Variants in SF3B1 observed in about 807,000 individuals in gnomAD.
SF3B1 encodes the protein pre-mRNA processing 10.
Under a neutral mutation model 153.8 loss-of-function variants are expected in SF3B1, and 12 were observed. The observed-to-expected ratio is 0.08, with a 90% confidence interval of 0.05 to 0.13. The LOEUF (loss-of-function observed/expected upper bound fraction) is 0.13. Among genes scored for constraint, SF3B1 ranks in the 10% least tolerant of loss-of-function variants. The pLI is 1.00. For missense variants in SF3B1, 513 were observed against 1,606.1 expected (o/e 0.32, Z 11.63); for synonymous variants, 498 against 525.2 (o/e 0.95, Z 0.71).
rs1328171261 is a variant in SF3B1, at chr2:197,422,882, G to GA, written c.195+925dup. Among the ~76,000 whole-genome samples, 726 of 139,628 alleles carry GA rather than the reference G, an allele frequency of 5.2e-3. 16 individuals carry two copies. Among genetic ancestry groups the GA allele is most frequent in the Admixed American group, 0.047 (655 of 13,970 alleles). 91.6% of individuals were successfully genotyped at this position (139,628 alleles called of 152,430 possible). A position where few individuals can be genotyped will look rare whatever the true frequency, so the allele number is the denominator to read the frequency against. On this transcript the variant is annotated intron_variant, in intron 2 of 24. Coordinates refer to ENST00000335508, the MANE Select transcript of SF3B1 (RefSeq NM_012433.4). The stretch of plus-strand genomic sequence containing the variant: ...TCCAGCCTGGGCAACAGAGTGAGAC[G>GA]AAAAAAAAAAACCAGTTTGATAATC...
In SF3B1 at chr2:197,408,594, A is replaced by G; in HGVS notation, c.905-13T>C. On this transcript the variant is annotated splice_polypyrimidine_tract_variant and intron_variant, in intron 7 of 24. Transcript: ENST00000335508. ...TGCCCAGGAGTATCTTTAAAAAGAA[A>G]GAGTGAGTAAAACCACAATTTTAAT... 1 of 1,580,920 alleles carries G rather than the reference A, an allele frequency of 6.3e-7. No homozygotes were observed. The highest frequency in any genetic ancestry group is 1.1e-5 in the South Asian group (1 of 90,408).
chr2:197,415,962 G>A (rs2085142048), intron 6 of SF3B1, among the ~76,000 whole-genome samples: 1 of 145,970 alleles, frequency 6.9e-6, no homozygotes, highest in Non-Finnish European at 1.5e-5. Flanking sequence ...CTACAGGCAT[G>A]CACCACTATG....
At chr2:197,397,143 A>C (rs925797122) in intron 22 of SF3B1, among the ~76,000 whole-genome samples, 2 of 152,154 alleles carry the variant, frequency 1.3e-5, no homozygotes, top group Non-Finnish European at 2.9e-5. Flanking sequence ...ATTCAGTTAA[A>C]TCCGTGGAGT....
chr2:197,413,730 T>C (rs760880986), intron 6 of SF3B1, among the ~76,000 whole-genome samples: 16 of 152,046 alleles, frequency 1.1e-4, no homozygotes, highest in Non-Finnish European at 1.9e-4. Context: ...AAAATGTATA[T>C]GGGTAGGATA....
intron 5 of SF3B1, among the ~76,000 whole-genome samples, chr2:197,417,222 G>C (rs538938541): frequency 1.1e-3 from 174 of 151,934 alleles, no homozygotes; most frequent in African/African-American, 4.1e-3. Flanking sequence ...TGAAAAATAG[G>C]GTTTTCTTCA....
intron 7 of SF3B1, among the ~76,000 whole-genome samples, chr2:197,409,402 A>G (rs1006873770): frequency 8.0e-5 from 12 of 149,904 alleles, no homozygotes; most frequent in Non-Finnish European, 1.3e-4. Flanking sequence ...CTCCATCTCA[A>G]AAAAAAAAAA....
In SF3B1 at chr2:197,391,496, T is replaced by C. The variant is rs1326901075; in HGVS notation, c.*807A>G. The C allele has an allele frequency of 6.6e-6, 1 of 152,214 alleles. No homozygotes were observed. Among genetic ancestry groups the C allele is most frequent in the Non-Finnish European group, 1.5e-5 (1 of 68,032 alleles). The allele number at this position is 152,214 out of a possible 1,614,324, so 9.4% of individuals were successfully genotyped here. ...TTATAACATGGAGAAAAGCCCAACA[T>C]TGTCCTGTTCTATCAGCATTACTTA... On this transcript the variant is annotated 3_prime_UTR_variant, in exon 25 of 25. Transcript: ENST00000335508.
rs763765365 is a variant in SF3B1, at chr2:197,400,143, A to C, written c.2925T>G (p.Gly975=). The C allele has an allele frequency of 1.9e-6, 3 of 1,613,364 alleles. No individual in the cohort carries two copies. Among genetic ancestry groups the C allele is most frequent in the African/African-American group, 1.3e-5 (1 of 74,890 alleles). Residue 975 remains glycine (G), a synonymous_variant, in exon 20 of 25, where the codon GGT becomes GGG. Transcript: ENST00000335508. The surrounding 1 kb of genome is among the most constrained non-coding windows in gnomAD (Gnocchi z 5.0). ...CACCCAAATACTCATACAATACAAC[A>C]CCCAAGTGTCCCATCAATTTTTCCT... ...CQEEKLMGHL[G]VVLYEYLGEE...
At chr2:197,423,678 A>AAG in intron 2 of SF3B1, 130 bp downstream of exon 2, 1 of 763,400 alleles carries the variant, frequency 1.3e-6, no homozygotes, top group Non-Finnish European at 2.1e-6. Flanking sequence ...GGATACCTCC[A>AAG]GTAGTTTTAT....
chr2:197,426,280 C>A (rs1257885406), intron 1 of SF3B1, among the ~76,000 whole-genome samples: 1 of 151,904 alleles, frequency 6.6e-6, no homozygotes, highest in Non-Finnish European at 1.5e-5. Context: ...CACTCCCACC[C>A]CCTTCGGGCA....
At chr2:197,404,813 C>T (rs925615478) in intron 11 of SF3B1, 17 of 264,986 alleles carry the variant, frequency 6.4e-5, no homozygotes, top group African/African-American at 1.1e-4. Flanking sequence ...CACTCCACAG[C>T]GGGCTATACC....
chr2:197,428,375 T>C (rs572683035), intron 1 of SF3B1, among the ~76,000 whole-genome samples: 1 of 152,224 alleles, frequency 6.6e-6, no homozygotes, highest in Admixed American at 6.5e-5. Context: ...TTAAAAGTAA[T>C]TTTCCAAATT....
In SF3B1 at chr2:197,401,329, C is replaced by G. The variant is rs2084935097; in HGVS notation, c.2496+71G>C. ...AATCAAGGCAAAAAATAATATACAA[C>G]ATGCATTCAAGTTGACTAAAGAATG... On this transcript the variant is annotated intron_variant, in intron 17 of 24. Coordinates refer to ENST00000335508, the MANE Select transcript of SF3B1 (RefSeq NM_012433.4). This position sits in a 1 kb window ranked among gnomAD's most constrained non-coding sequence, Gnocchi z 4.2. 7.5e-7 allele frequency: 1 copy of G among 1,338,612 alleles called. No homozygotes were observed. 82.9% of individuals were successfully genotyped at this position (1,338,612 alleles called of 1,614,324 possible).
chr2:197,422,506 G>A (rs925441676), intron 2 of SF3B1, among the ~76,000 whole-genome samples: 10 of 151,890 alleles, frequency 6.6e-5, no homozygotes, highest in Non-Finnish European at 1.2e-4. Flanking sequence ...GTATACATAC[G>A]TAACCTGCAC....
At chr2:197,403,540 AG>A in intron 12 of SF3B1, 44 bp downstream of exon 12, 1 of 1,334,986 alleles carries the variant, frequency 7.5e-7, no homozygotes, top group South Asian at 1.5e-5. Context: ...TAACTGAAAA[AG>A]TTAAAACTTT....
intron 9 of SF3B1, among the ~76,000 whole-genome samples, chr2:197,406,202 G>C (rs1182967094): frequency 6.7e-6 from 1 of 149,926 alleles, no homozygotes; most frequent in East Asian, 1.9e-4. Flanking sequence ...CCAGGAGTTT[G>C]AGACCAGCCT....
At position 197,401,632 on chromosome 2, in the gene SF3B1, C is replaced by T. The variant is rs1174565797; in HGVS notation, c.2371-107G>A. On this transcript the variant is annotated intron_variant, in intron 16 of 24. Transcript: ENST00000335508. The surrounding 1 kb of genome is among the most constrained non-coding windows in gnomAD (Gnocchi z 4.2). ...AAATAAAATTTAAAAACAAATCAAA[C>T]AGTATTCGTGTAACATACAGTTTTT... 4.7e-6 allele frequency: 7 copies of T among 1,480,738 alleles called. No homozygotes were observed. Among genetic ancestry groups the T allele is most frequent in the Non-Finnish European group, 6.5e-6 (7 of 1,081,604 alleles). 91.7% of individuals were successfully genotyped at this position (1,480,738 alleles called of 1,614,324 possible). A position where few individuals can be genotyped will look rare whatever the true frequency, so the allele number is the denominator to read the frequency against.
chr2:197,396,460 T>C, intron 22 of SF3B1, 132 bp from the exon 23 acceptor site: 1 of 687,766 alleles, frequency 1.5e-6, no homozygotes, highest in Non-Finnish European at 2.4e-6. Flanking sequence ...TAAAATGCAA[T>C]ACTTTCAAGT....
rs1465243209 is a variant in SF3B1, at chr2:197,403,761, C to A, written c.1543G>T (p.Ala515Ser). 2 of 1,580,628 alleles carry A rather than the reference C, an allele frequency of 1.3e-6. No individual in the cohort carries two copies. The highest frequency in any genetic ancestry group is 1.7e-6 in the Non-Finnish European group (2 of 1,169,724). Reference sequence around the variant, plus strand: ...GCTTTATCAGTAATCTGACGCAATGCAGCCTGGGAAAAAGAGCAGAGTAAT... The same window carrying A: ...GCTTTATCAGTAATCTGACGCAATGAAGCCTGGGAAAAAGAGCAGAGTAAT... ...KNGTPPMRKA[A>S]LRQITDKARE... Residue 515 changes from alanine (A) to serine (S), a missense_variant, in exon 12 of 25, where the codon GCA becomes TCA. Ala to Ser is a moderately conservative substitution (Grantham distance 99, BLOSUM62 1). Coordinates refer to ENST00000335508, the MANE Select transcript of SF3B1 (RefSeq NM_012433.4).
Sources: allele counts gnomAD v4.1 joint callset (sites outside exome capture counted in the v4.1 genomes callset), GRCh38; gene constraint gnomAD v4.1.1; non-coding constraint Gnocchi (gnomAD v3.1); transcripts MANE v1.5; gene names NCBI Gene and HGNC (gene_info 2026-07-23, HGNC 2026-07-21).